SKP1: variants seen among roughly 807,000 people sequenced by gnomAD.
SKP1 encodes S-phase kinase associated protein 1, also known as S-phase kinase-associated protein 1.
A neutral mutation model predicts 21.5 loss-of-function variants in SKP1; 1 was observed. That is an observed-to-expected ratio of 0.05 (90% confidence interval 0.02 to 0.22). The LOEUF (loss-of-function observed/expected upper bound fraction) is 0.22. SKP1 is among the 10% of genes least tolerant of loss of function. The pLI, the probability that SKP1 is intolerant of heterozygous loss-of-function variation, is 1.00. For missense variants in SKP1, 70 were observed against 192.0 expected (o/e 0.36, Z 3.76); for synonymous variants, 59 against 59.3 (o/e 0.99, Z 0.03).
At chr5:134,166,838 T>G (rs2149375584) in intron 3 of SKP1, among the ~76,000 whole-genome samples, 1 of 152,290 alleles carries the variant, frequency 6.6e-6, no homozygotes. Context: ...TTTAACAGTA[T>G]CTATCAAAAT....
intron 3 of SKP1, among the ~76,000 whole-genome samples, chr5:134,166,609 AT>A (rs1761338081): frequency 6.7e-6 from 1 of 148,556 alleles, no homozygotes; most frequent in Non-Finnish European, 1.5e-5. Context: ...AAAAAAAAGA[AT>A]GTGGGAAAAA....
rs1340207637 is a variant in SKP1 at position 134,156,411 on chromosome 5, G to A, written c.*1322C>T. 2 of 152,184 alleles carry A rather than the reference G, an allele frequency of 1.3e-5. No individual in the cohort carries two copies. Among genetic ancestry groups the A allele is most frequent in the South Asian group, 4.1e-4 (2 of 4,822 alleles). The allele number at this position is 152,184 out of a possible 1,614,324, so 9.4% of individuals were successfully genotyped here. A position where few individuals can be genotyped will look rare whatever the true frequency, so the allele number is the denominator to read the frequency against. On this transcript the variant is annotated 3_prime_UTR_variant, in exon 6 of 6. Transcript: ENST00000353411. Reference sequence around the variant, plus strand: ...TGGAATTAAGTGAGACAACATATGGGACTTTATTAAATAAGGTGAATTTGG... The same window carrying A: ...TGGAATTAAGTGAGACAACATATGGAACTTTATTAAATAAGGTGAATTTGG...
At chr5:134,159,360 G>GT (rs2149373224) in intron 4 of SKP1, among the ~76,000 whole-genome samples, 1 of 152,094 alleles carries the variant, frequency 6.6e-6, no homozygotes, top group East Asian at 1.9e-4. Flanking sequence ...GACATACTTT[G>GT]TATGACCTGA....
chr5:134,161,708 C>G (rs554738523), intron 3 of SKP1: 2 of 152,204 alleles, frequency 1.3e-5, no homozygotes, highest in Non-Finnish European at 2.9e-5. Context: ...CTCAGAAAAG[C>G]TGAATATGTA....
intron 2 of SKP1, among the ~76,000 whole-genome samples, chr5:134,172,572 A>T (rs927471403): frequency 1.8e-4 from 19 of 102,906 alleles, no homozygotes; most frequent in Admixed American, 7.4e-4. Context: ...AAGCTTGTTT[A>T]AAAAAAAAAA....
intron 3 of SKP1, among the ~76,000 whole-genome samples, chr5:134,164,293 T>TG (rs1417282074): frequency 7.2e-6 from 1 of 138,804 alleles, no homozygotes; most frequent in African/African-American, 2.8e-5. Flanking sequence ...TACTCCAGCC[T>TG]GGGCAACAAG....
chr5:134,174,938 C>G (rs1406855631), intron 1 of SKP1: 1 of 151,996 alleles, frequency 6.6e-6, no homozygotes, highest in Non-Finnish European at 1.5e-5. Flanking sequence ...ATACCTGGTA[C>G]AGATTAATTC....
chr5:134,162,358 T>C (rs1047844477), intron 3 of SKP1, among the ~76,000 whole-genome samples: 4 of 152,056 alleles, frequency 2.6e-5, no homozygotes, highest in African/African-American at 7.2e-5. Flanking sequence ...TCCCAAAGTG[T>C]TGGGATTACA....
In SKP1 at chr5:134,149,142, T is replaced by TTTA. The variant is rs1213790093; in HGVS notation, c.*8588_*8590dup. On this transcript the variant is annotated 3_prime_UTR_variant, in exon 6 of 6. Transcript: ENST00000353411. ...ACTGGGTAGCGGTGAGGTCCGGGCT[T>TTTA]TTAGTGTGCCTCTCACCCAAACAGT... 2.0e-5 allele frequency: 3 copies of TTTA among 152,226 alleles called. No homozygotes were observed. Among genetic ancestry groups the TTTA allele is most frequent in the Non-Finnish European group, 4.4e-5 (3 of 68,060 alleles). The allele number at this position is 152,226 out of a possible 1,614,324, so 9.4% of individuals were successfully genotyped here. A position where few individuals can be genotyped will look rare whatever the true frequency, so the allele number is the denominator to read the frequency against.
intron 2 of SKP1, among the ~76,000 whole-genome samples, chr5:134,173,026 A>AAC (rs1761475022): frequency 6.6e-6 from 1 of 150,516 alleles, no homozygotes; most frequent in Non-Finnish European, 1.5e-5. Context: ...AAAAAAAAAA[A>AAC]AAAGAAAATT....
chr5:134,158,545 A>G lies in SKP1; in HGVS notation c.366T>C (p.Thr122=). The G allele has an allele frequency of 6.2e-7, 1 of 1,613,686 alleles. No individual in the cohort carries two copies. The highest frequency in any genetic ancestry group is 8.5e-7 in the Non-Finnish European group (1 of 1,179,674). ...TTTTCCCCTTGATCATATTGGCAAC[A>G]GTCTTGCATGTAACATCAAGCAAAC... The part of the protein sequence containing the change: ...IKGLLDVTCK[T]VANMIKGKTP... The change falls in exon 5 of 6, where the codon ACT becomes ACC. Residue 122 remains threonine (T), a synonymous_variant. Transcript: ENST00000353411.
At chr5:134,173,012 CAAA>C (rs199935510) in intron 2 of SKP1, among the ~76,000 whole-genome samples, 6,058 of 94,684 alleles carry the variant, frequency 0.064, 373 homozygotes, top group African/African-American at 0.19. Context: ...GACTCCGTCT[CAAA>C]AAAAAAAAAA....
intron 3 of SKP1, among the ~76,000 whole-genome samples, chr5:134,164,323 A>G (rs1179938613): frequency 8.0e-4 from 4 of 5,026 alleles, no homozygotes; most frequent in Admixed American, 3.4e-3. Flanking sequence ...CCATCTCAAG[A>G]AAAAAAAAAA....
intron 2 of SKP1, chr5:134,173,467 G>C: frequency 3.2e-6 from 1 of 316,606 alleles, no homozygotes; most frequent in South Asian, 2.8e-5. Flanking sequence ...CTCCAGCCTG[G>C]ACAAGAGTGA....
At chr5:134,173,621 G>A (rs765188381) in intron 2 of SKP1, 20 of 452,968 alleles carry the variant, frequency 4.4e-5, no homozygotes, top group Non-Finnish European at 7.6e-5. Flanking sequence ...TTCTATCACT[G>A]GAACTTATGA....
Position 134,151,968 on chromosome 5 carries a change from A to G in SKP1, c.*5765T>C, listed in dbSNP as rs1043834177. The G allele has an allele frequency of 4.1e-6, 1 of 244,342 alleles. No homozygotes were observed. The highest frequency in any genetic ancestry group is 8.5e-6 in the Non-Finnish European group (1 of 117,502). The allele number at this position is 244,342 out of a possible 1,614,324, so 15.1% of individuals were successfully genotyped here. ...GGATAACATTCAGCCAATCCTGCTT[A>G]GGTGTCCAAATGGCTCAATCTTGGG... On this transcript the variant is annotated 3_prime_UTR_variant, in exon 6 of 6. Coordinates refer to ENST00000353411, the MANE Select transcript of SKP1 (RefSeq NM_170679.3).
Position 134,152,086 on chromosome 5 carries a change from T to C in SKP1, c.*5647A>G, listed in dbSNP as rs954222459. On this transcript the variant is annotated 3_prime_UTR_variant, in exon 6 of 6. Coordinates refer to ENST00000353411, the MANE Select transcript of SKP1 (RefSeq NM_170679.3). ...ACTCATTCTCTGTGACCACTGGAGGTAGTGATTTTTAACAACAGTAAACAA... is the reference window on the plus strand; with the variant it reads ...ACTCATTCTCTGTGACCACTGGAGGCAGTGATTTTTAACAACAGTAAACAA... 2 of 152,922 alleles carry C rather than the reference T, an allele frequency of 1.3e-5. No homozygotes were observed. The highest frequency in any genetic ancestry group is 2.4e-5 in the African/African-American group (1 of 41,464). The allele number at this position is 152,922 out of a possible 1,614,324, so 9.5% of individuals were successfully genotyped here.
intron 3 of SKP1, among the ~76,000 whole-genome samples, chr5:134,166,142 A>G (rs1338874275): frequency 6.7e-6 from 1 of 148,822 alleles, no homozygotes; most frequent in African/African-American, 2.5e-5. Flanking sequence ...CTGAGATCAC[A>G]CCACTGCACT....
intron 2 of SKP1, among the ~76,000 whole-genome samples, chr5:134,168,295 T>C (rs1314057529): frequency 6.6e-6 from 1 of 152,098 alleles, no homozygotes; most frequent in Non-Finnish European, 1.5e-5. Flanking sequence ...CTATTACAGG[T>C]AATAAAATCT....
Sources: gnomAD v4.1 joint callset for allele counts (sites outside exome capture counted in the v4.1 genomes callset) on GRCh38, gnomAD v4.1.1 for gene constraint, MANE v1.5 for transcripts, NCBI Gene and HGNC (gene_info 2026-07-23, HGNC 2026-07-21) for gene names.